Variants in SNX29 observed in about 807,000 individuals in gnomAD.
SNX29 encodes sorting nexin 29, also known as sorting nexin-29.
In SNX29, 78 loss-of-function variants were observed where a neutral mutation model predicts 102.1. The observed-to-expected ratio is 0.76, with a 90% CI of 0.64 to 0.92. The LOEUF (loss-of-function observed/expected upper bound fraction) is 0.92, where lower values mean the gene tolerates loss of function less well. Ranked by LOEUF, SNX29 falls within the 40% of genes least tolerant of loss-of-function variation. The probability of loss-of-function intolerance (pLI) is 0.00; values close to 1 mark genes in which losing one functional copy is unlikely to be tolerated. For synonymous variants in SNX29, 580 were observed against 414.5 expected (o/e 1.40, Z -4.85); for missense variants, 1,280 against 1,061.7 (o/e 1.21, Z -2.86).
intron 19 of SNX29, among the ~76,000 whole-genome samples, chr16:12,478,798 G>C (rs1056573234): frequency 6.6e-6 from 1 of 152,190 alleles, no homozygotes; most frequent in African/African-American, 2.4e-5. Context: ...TCCCCATTCT[G>C]ATTGAATCGA....
At chr16:12,198,369 T>A (rs1257296681) in intron 13 of SNX29, among the ~76,000 whole-genome samples, 1 of 152,146 alleles carries the variant, frequency 6.6e-6, no homozygotes, top group Non-Finnish European at 1.5e-5. Flanking sequence ...AAAATGTTAA[T>A]AGGGTTTATT....
chr16:12,561,895 C>T lies in SNX29; in HGVS notation c.2319-6611C>T, dbSNP rs1428798304. 2.0e-5 allele frequency among the ~76,000 whole-genome samples: 3 copies of T among 152,140 alleles called. No homozygotes were observed. In the East Asian group the frequency reaches 5.8e-4, roughly 29 times the overall value. ...GCTGTCTCCTAGGTGACCGTGGCAT[C>T]CCAGGAGTTCCTTCTCCAGTTGCCT... On this transcript the variant is annotated intron_variant, in intron 20 of 20. Transcript: ENST00000566228.
chr16:12,249,128 AG>A, intron 14 of SNX29, among the ~76,000 whole-genome samples: 1 of 152,310 alleles, frequency 6.6e-6, no homozygotes, highest in East Asian at 1.9e-4. Flanking sequence ...GGGTTCAGTC[AG>A]GGTGTGATGA....
chr16:12,012,349 T>G (rs779330240), intron 3 of SNX29, among the ~76,000 whole-genome samples: 3 of 152,162 alleles, frequency 2.0e-5, no homozygotes, highest in Admixed American at 6.5e-5. Context: ...AGTCAGCAGG[T>G]TCTTCTCTGC....
At chr16:12,419,105 A>AG (rs1388020835) in intron 18 of SNX29, among the ~76,000 whole-genome samples, 1 of 152,142 alleles carries the variant, frequency 6.6e-6, no homozygotes, top group Non-Finnish European at 1.5e-5. Flanking sequence ...GCCACCGTTG[A>AG]GAAACCCTTG....
intron 13 of SNX29, among the ~76,000 whole-genome samples, chr16:12,146,106 TTGG>T (rs959789126): frequency 3.3e-5 from 5 of 152,242 alleles, no homozygotes; most frequent in African/African-American, 1.2e-4. Flanking sequence ...CTTAGGGTAC[TTGG>T]TGGTTTCCAC....
intron 19 of SNX29, among the ~76,000 whole-genome samples, chr16:12,483,114 G>GTTTTTGTTTTTTTTTTTTTTTT (rs71139598): frequency 1.5e-5 from 1 of 66,196 alleles, no homozygotes; most frequent in Non-Finnish European, 2.8e-5. Context: ...AAGTTATTAA[G>GTTTTTGTTTTTTTTTTTTTTTT]TTTTTTTTTT....
intron 19 of SNX29, among the ~76,000 whole-genome samples, chr16:12,480,649 C>G (rs1476699206): frequency 6.6e-6 from 1 of 152,196 alleles, no homozygotes; most frequent in Non-Finnish European, 1.5e-5. Context: ...TCTCTGCAGC[C>G]TCAAACAACT....
intron 4 of SNX29, among the ~76,000 whole-genome samples, chr16:12,031,643 A>C (rs576172246): frequency 6.6e-6 from 1 of 151,840 alleles, no homozygotes; most frequent in East Asian, 2.0e-4. Flanking sequence ...ATTTCTACTA[A>C]AAATACAAAA....
intron 15 of SNX29, among the ~76,000 whole-genome samples, chr16:12,344,731 TC>T (rs1268333796): frequency 6.6e-6 from 1 of 152,166 alleles, no homozygotes; most frequent in African/African-American, 2.4e-5. Flanking sequence ...TTCCTCTTTC[TC>T]CTCCTGGGCT....
At chr16:12,408,054 A>T (rs1174431072) in intron 18 of SNX29, among the ~76,000 whole-genome samples, 1 of 152,048 alleles carries the variant, frequency 6.6e-6, no homozygotes, top group Non-Finnish European at 1.5e-5. Flanking sequence ...GCTACTGGGG[A>T]GGCTGAGGCA....
At chr16:12,326,449 T>C (rs947252549) in intron 15 of SNX29, among the ~76,000 whole-genome samples, 1 of 151,974 alleles carries the variant, frequency 6.6e-6, no homozygotes, top group Non-Finnish European at 1.5e-5. Context: ...GCAAACTTTC[T>C]GTAAAGGGCT....
chr16:12,094,454 A>T (rs2052687526), intron 11 of SNX29, among the ~76,000 whole-genome samples: 1 of 152,134 alleles, frequency 6.6e-6, no homozygotes, highest in South Asian at 2.1e-4. Context: ...TACTGAAACC[A>T]TCCCTCCTGC....
intron 18 of SNX29, among the ~76,000 whole-genome samples, chr16:12,461,075 A>G (rs2086758283): frequency 6.6e-6 from 1 of 152,244 alleles, no homozygotes; most frequent in Non-Finnish European, 1.5e-5. Flanking sequence ...AATTGCCCAC[A>G]TTTTACATTA....
At chr16:12,145,038 G>T (rs562521346) in intron 13 of SNX29, among the ~76,000 whole-genome samples, 1 of 152,184 alleles carries the variant, frequency 6.6e-6, no homozygotes, top group Non-Finnish European at 1.5e-5. Flanking sequence ...GGGTTTTTAA[G>T]GATCTGCCTC....
At chr16:12,212,108 G>A (rs1453660618) in intron 14 of SNX29, among the ~76,000 whole-genome samples, 1 of 152,174 alleles carries the variant, frequency 6.6e-6, no homozygotes, top group Non-Finnish European at 1.5e-5. Flanking sequence ...GGCCTCGGTG[G>A]TGGTGTGTGA....
intron 20 of SNX29, among the ~76,000 whole-genome samples, chr16:12,545,945 T>C (rs1471665479): frequency 1.3e-5 from 2 of 152,174 alleles, no homozygotes; most frequent in East Asian, 3.9e-4. Flanking sequence ...TGTATTATCC[T>C]GACAACTAAG....
rs113420865 is a variant in SNX29 at position 12,273,040 on chromosome 16, C to T, written c.1679-4893C>T. On this transcript the variant is annotated intron_variant, in intron 14 of 20. Transcript: ENST00000566228. ...AAATGCTATCTACAGCTGTGAAGTGCATGATCGTTTTTCCTGCACGATCTC... is the reference window on the plus strand; with the variant it reads ...AAATGCTATCTACAGCTGTGAAGTGTATGATCGTTTTTCCTGCACGATCTC... Among the ~76,000 whole-genome samples, 789 of 152,242 alleles carry T rather than the reference C, an allele frequency of 5.2e-3. 6 individuals carry two copies. Among genetic ancestry groups the T allele is most frequent in the African/African-American group, 0.017 (720 of 41,532 alleles).
In SNX29 at chr16:12,018,228, G is replaced by T. The variant is rs530009045; in HGVS notation, c.123-9092G>T. 2.6e-5 allele frequency among the ~76,000 whole-genome samples: 4 copies of T among 151,980 alleles called. No homozygotes were observed. The East Asian group carries it at 7.7e-4, about 29-fold the overall frequency. On this transcript the variant is annotated intron_variant, in intron 3 of 20. Coordinates refer to ENST00000566228, the MANE Select transcript of SNX29 (RefSeq NM_032167.5). ...TTTTTATCTGTTTGATCTTTATGCC[G>T]TTTAACAAAATTTTATGTTTTTCTT... is the stretch of plus-strand genomic sequence containing the variant.
Sources: allele counts gnomAD v4.1 joint callset (sites outside exome capture counted in the v4.1 genomes callset), GRCh38; gene constraint gnomAD v4.1.1; transcripts MANE v1.5; gene names NCBI Gene and HGNC (gene_info 2026-07-23, HGNC 2026-07-21).